MEGF6: variants seen among roughly 807,000 people sequenced by gnomAD.
MEGF6 encodes the protein multiple epidermal growth factor-like domains protein 6.
MEGF6 carries 184 observed loss-of-function variants against 207.1 expected under a neutral mutation model. The ratio of observed to expected loss-of-function variants is 0.89; its 90% CI spans 0.79 to 1.00. The LOEUF (loss-of-function observed/expected upper bound fraction) is 1.00, where lower values mean the gene tolerates loss of function less well. Among genes scored for constraint, MEGF6 ranks in the 50% least tolerant of loss-of-function variants. The pLI is 0.00. For missense variants in MEGF6, 2,282 were observed against 2,202.9 expected, an observed-to-expected ratio of 1.04 and a Z score of -0.72; for synonymous variants, 1,038 against 910.0, an observed-to-expected ratio of 1.14 and a Z score of -2.53.
At chr1:3,605,922 T>C (rs1644243874) in intron 1 of MEGF6, among the ~76,000 whole-genome samples, 1 of 152,210 alleles carries the variant, frequency 6.6e-6, no homozygotes, top group African/African-American at 2.4e-5. Context: ...GGCTCCACGG[T>C]GGCACCCCCG....
chr1:3,497,095 TC>T lies in MEGF6; in HGVS notation c.3505del (p.Glu1169ArgfsTer105). On this transcript the variant is annotated frameshift_variant, in exon 28 of 37. Transcript: ENST00000356575. LOFTEE classifies it high-confidence loss of function. ...ACACTGGCACATCTGCGCACAGTCC[TC>T]CCCAAAGCTGCCGGGTGGGCAGGCT... ...EQACPPGSFG[E>X]DCAQMCQCPG... The T allele has an allele frequency of 6.4e-7, 1 of 1,569,970 alleles. No individual in the cohort carries two copies. The highest frequency in any genetic ancestry group is 8.6e-7 in the Non-Finnish European group (1 of 1,156,400).
chr1:3,511,568 C>T lies in MEGF6; in HGVS notation c.1096G>A (p.Asp366Asn). The change falls in exon 9 of 37, where the codon GAT becomes AAT. Residue 366 changes from aspartate (D) to asparagine (N), a missense_variant. Coordinates refer to ENST00000356575, the MANE Select transcript of MEGF6 (RefSeq NM_001409.4). ...TCPRGYELDT[D>N]QRTCIDVDDC... is the part of the protein sequence containing the mutation. ...TGCGCACCGATGCAGGTCCTCTGAT[C>T]TGTGTCCAGCTCGTAGCCGCGGGGA... is the stretch of plus-strand genomic sequence containing the variant. 6.2e-7 allele frequency: 1 copy of T among 1,610,882 alleles called. No homozygotes were observed. Among genetic ancestry groups the T allele is most frequent in the Non-Finnish European group, 8.5e-7 (1 of 1,178,440 alleles).
At chr1:3,596,656 ACCCTGCGCCATC>A (rs1166747014) in intron 2 of MEGF6, among the ~76,000 whole-genome samples, 15 of 102,132 alleles carry the variant, frequency 1.5e-4, no homozygotes, top group Non-Finnish European at 1.2e-4. Context: ...ACCCCAGGGC[ACCCTGCGCCATC>A]CCCTGCCCAG....
chr1:3,509,296 C>G, intron 11 of MEGF6, 51 bp from the exon 12 acceptor site: 3 of 1,381,522 alleles, frequency 2.2e-6, no homozygotes, highest in Non-Finnish European at 2.8e-6. Flanking sequence ...CTGCCTGCTC[C>G]AGCGACCCCC....
chr1:3,611,790 G>C (rs1400936835), upstream of MEGF6, among the ~76,000 whole-genome samples: 3 of 118,096 alleles, frequency 2.5e-5, no homozygotes, highest in Middle Eastern at 4.2e-3. Context: ...CCCAGACCCC[G>C]CGGGGCTGGC....
rs373458603 is a variant in MEGF6 at position 3,506,097 on chromosome 1, G to C, written c.1918+11C>G. 3.5e-5 allele frequency: 55 copies of C among 1,583,536 alleles called. 1 individual carries two copies. In the Middle Eastern group the frequency reaches 1.3e-3, roughly 38 times the overall value. ...ACCACCATGGACACTGGAAGGGGCA[G>C]TGAGACTCACTGAGGTGGCAGAAGC... is the stretch of plus-strand genomic sequence containing the variant. On this transcript the variant is annotated intron_variant, in intron 15 of 36. Transcript: ENST00000356575.
At chr1:3,599,596 C>T (rs1037753836) in intron 2 of MEGF6, among the ~76,000 whole-genome samples, 1 of 152,250 alleles carries the variant, frequency 6.6e-6, no homozygotes, top group African/African-American at 2.4e-5. Flanking sequence ...GGGCAGGGTG[C>T]CTGCCGCCAA....
intron 3 of MEGF6, among the ~76,000 whole-genome samples, chr1:3,585,911 GT>G (rs1344806629): frequency 4.2e-5 from 6 of 144,022 alleles, no homozygotes; most frequent in Admixed American, 4.2e-4. Context: ...CGTCCTGTGT[GT>G]GGGTGTGAGT....
chr1:3,522,023 G>C (rs1276376615), intron 5 of MEGF6, among the ~76,000 whole-genome samples: 1 of 152,240 alleles, frequency 6.6e-6, no homozygotes, highest in Non-Finnish European at 1.5e-5. Context: ...AGTCACTCTT[G>C]TTGCCAAAGC....
intron 4 of MEGF6, among the ~76,000 whole-genome samples, chr1:3,563,813 T>A (rs1472139888): frequency 6.6e-6 from 1 of 152,070 alleles, no homozygotes; most frequent in African/African-American, 2.4e-5. Flanking sequence ...CACAGACACC[T>A]GAGTGTGGGA....
rs373688744 is a variant in MEGF6 at position 3,536,190 on chromosome 1, CA to C, written c.482-11945del. 1.1e-3 allele frequency among the ~76,000 whole-genome samples: 164 copies of C among 152,322 alleles called. 2 individuals carry two copies. In the East Asian group the frequency reaches 0.027, roughly 25 times the overall value. ...GACACCAACTCAGAGGTCACCTCTGCAAAGCCTCCCCAGCTGGCCGGCCCAC... is the reference window on the plus strand; with the variant it reads ...GACACCAACTCAGAGGTCACCTCTGCAAGCCTCCCCAGCTGGCCGGCCCAC... On this transcript the variant is annotated intron_variant, in intron 4 of 36. Transcript: ENST00000356575.
chr1:3,552,605 G>T (rs888638016), intron 4 of MEGF6, among the ~76,000 whole-genome samples: 7 of 152,224 alleles, frequency 4.6e-5, no homozygotes, highest in African/African-American at 1.7e-4. Flanking sequence ...AAGGCAGGAG[G>T]ATCGACGGCC....
At position 3,560,660 on chromosome 1, in the gene MEGF6, G is replaced by A. The variant is rs1234376805; in HGVS notation, c.481+19165C>T. 1 of 446,724 alleles carries A rather than the reference G, an allele frequency of 2.2e-6. No individual in the cohort carries two copies. Among genetic ancestry groups the A allele is most frequent in the Non-Finnish European group, 4.7e-6 (1 of 211,392 alleles). 27.7% of individuals were successfully genotyped at this position (446,724 alleles called of 1,614,324 possible). A position where few individuals can be genotyped will look rare whatever the true frequency, so the allele number is the denominator to read the frequency against. ...CCGGGGTCCCTTCCCAGGCTTGGGG[G>A]AGGCTGGGTGCCATCAACCCCTCCC... On this transcript the variant is annotated intron_variant, in intron 4 of 36. Transcript: ENST00000356575. This position sits in a 1 kb window ranked among gnomAD's most constrained non-coding sequence, Gnocchi z 4.0.
intron 5 of MEGF6, among the ~76,000 whole-genome samples, chr1:3,522,683 A>C (rs1479505578): frequency 6.6e-6 from 1 of 152,004 alleles, no homozygotes; most frequent in African/African-American, 2.4e-5. Flanking sequence ...CAGATGGTGA[A>C]ACAAAGCCTA....
At position 3,498,497 on chromosome 1, in the gene MEGF6, A is replaced by G. The variant is rs1254683942; in HGVS notation, c.3226T>C (p.Cys1076Arg). 1.3e-6 allele frequency: 2 copies of G among 1,573,244 alleles called. No individual in the cohort carries two copies. Among genetic ancestry groups the G allele is most frequent in the Admixed American group, 1.8e-5 (1 of 55,922 alleles). ...CCAGCTCTGACGTCCCGGGGGAGGC[A>G]CTCTACAGGAGCAGAGGCAGGCACG... ...GWAGLACEKE[C>R]LPRDVRAGCR... Residue 1076 changes from cysteine to arginine, a missense_variant and splice_region_variant, in exon 26 of 37, where the codon TGC becomes CGC. Transcript: ENST00000356575.
chr1:3,620,242 A>G, the MEGF6 span, among the ~76,000 whole-genome samples: 39 of 152,392 alleles, frequency 2.6e-4, no homozygotes, highest in African/African-American at 9.4e-4. Flanking sequence ...AAAGCAAAGC[A>G]GGACATAAAA....
At chr1:3,610,921 A>AG (rs952881668) in intron 1 of MEGF6, among the ~76,000 whole-genome samples, 1 of 82,912 alleles carries the variant, frequency 1.2e-5, no homozygotes, top group East Asian at 3.5e-4. Flanking sequence ...GGAGAGTGGG[A>AG]GGGGGGGAGG....
intron 5 of MEGF6, among the ~76,000 whole-genome samples, chr1:3,520,603 A>G (rs1196168329): frequency 3.3e-5 from 5 of 151,498 alleles, no homozygotes; most frequent in Non-Finnish European, 7.4e-5. Context: ...GCAATGGGGC[A>G]CACCAGGACT....
chr1:3,592,443 TC>T (rs1382824749), intron 3 of MEGF6, among the ~76,000 whole-genome samples: 2 of 151,522 alleles, frequency 1.3e-5, no homozygotes, highest in East Asian at 3.9e-4. Context: ...TCATCCTCAC[TC>T]CTGCAGGCCT....
Sources: allele counts gnomAD v4.1 joint callset (sites outside exome capture counted in the v4.1 genomes callset), GRCh38; gene constraint gnomAD v4.1.1; non-coding constraint Gnocchi (gnomAD v3.1); transcripts MANE v1.5; gene names NCBI Gene and HGNC (gene_info 2026-07-23, HGNC 2026-07-21).